Variants in RHOBTB1 observed in about 807,000 individuals in gnomAD.
RHOBTB1 encodes the protein rho-related BTB domain-containing protein 1.
A neutral mutation model predicts 71.6 loss-of-function variants in RHOBTB1; 40 were observed. The observed-to-expected ratio is 0.56, with a 90% CI of 0.43 to 0.73. The LOEUF (loss-of-function observed/expected upper bound fraction) is 0.73. Ranked by LOEUF, RHOBTB1 falls within the 30% of genes least tolerant of loss-of-function variation. RHOBTB1 has a pLI of 0.00. For synonymous variants in RHOBTB1, 319 were observed against 334.9 expected (o/e 0.95, Z 0.52); for missense variants, 797 against 894.0 (o/e 0.89, Z 1.38).
intron 2 of RHOBTB1, among the ~76,000 whole-genome samples, chr10:60,930,283 C>G (rs1371163256): frequency 6.6e-6 from 1 of 152,164 alleles, no homozygotes; most frequent in African/African-American, 2.4e-5. Context: ...TATCTGTGAA[C>G]TGGGGATAAT....
intron 2 of RHOBTB1, among the ~76,000 whole-genome samples, chr10:60,972,957 A>T (rs898868643): frequency 1.3e-5 from 2 of 152,082 alleles, no homozygotes; most frequent in African/African-American, 4.8e-5. Flanking sequence ...CGAAAGCAAG[A>T]ATGATTTTAG....
intron 1 of RHOBTB1, among the ~76,000 whole-genome samples, chr10:60,988,340 A>G (rs138930761): frequency 7.2e-5 from 11 of 152,316 alleles, no homozygotes; most frequent in African/African-American, 2.4e-4. Flanking sequence ...TTCAAGGGAT[A>G]CATGTGCAGG....
intron 4 of RHOBTB1, among the ~76,000 whole-genome samples, chr10:60,900,217 G>C (rs2082351107): frequency 6.6e-6 from 1 of 152,122 alleles, no homozygotes; most frequent in Non-Finnish European, 1.5e-5. Context: ...GAGAGGACTG[G>C]GAGGGTCAGC....
intron 2 of RHOBTB1, among the ~76,000 whole-genome samples, chr10:60,923,338 A>G (rs970019906): frequency 4.6e-5 from 7 of 152,268 alleles, no homozygotes; most frequent in Admixed American, 2.6e-4. Flanking sequence ...AAGATAATGT[A>G]CATTTATAAA....
upstream of RHOBTB1, among the ~76,000 whole-genome samples, chr10:60,947,873 T>C (rs1355038397): frequency 6.6e-6 from 1 of 152,236 alleles, no homozygotes; most frequent in African/African-American, 2.4e-5. Context: ...CTAGGTCATA[T>C]GCTAAATAAA....
intron 2 of RHOBTB1, among the ~76,000 whole-genome samples, chr10:60,941,171 A>T (rs1230611202): frequency 1.3e-5 from 2 of 152,220 alleles, no homozygotes; most frequent in Non-Finnish European, 2.9e-5. Flanking sequence ...CCTACTGGAA[A>T]ACAATTTTTC....
upstream of RHOBTB1, among the ~76,000 whole-genome samples, chr10:60,948,312 T>C (rs983170424): frequency 3.3e-5 from 5 of 152,238 alleles, no homozygotes; most frequent in African/African-American, 1.2e-4. Flanking sequence ...TGCCATCAAT[T>C]TTATCAAGAA....
chr10:60,928,153 T>C (rs1290108532), intron 2 of RHOBTB1, among the ~76,000 whole-genome samples: 1 of 152,134 alleles, frequency 6.6e-6, no homozygotes, highest in Non-Finnish European at 1.5e-5. Flanking sequence ...ATGGCTTTTA[T>C]GAAAAAGGCA....
rs775443874 is a variant in RHOBTB1 at position 60,888,565 on chromosome 10, G to C, written c.1103C>G (p.Thr368Arg). The C allele has an allele frequency of 6.2e-7, 1 of 1,614,180 alleles. No individual in the cohort carries two copies. The highest frequency in any genetic ancestry group is 8.5e-7 in the Non-Finnish European group (1 of 1,180,034). ...CTTACTCCATCCGGTCAAAGTCTGT[G>C]TCTCAGGAACTGCACCCTCGGCTTC... ...GLEAEGAVPE[T>R]QTLTGWSKGF... Residue 368 changes from threonine (T) to arginine (R), a missense_variant, in exon 6 of 11, where the codon ACA becomes AGA. Around this residue, in one of 2 missense-constraint regions of RHOBTB1, gnomAD observed 658 missense variants for 681.5 expected, o/e 0.97. Coordinates refer to ENST00000337910, the MANE Select transcript of RHOBTB1 (RefSeq NM_014836.5).
rs1307853299 is a variant in RHOBTB1 at position 60,892,864 on chromosome 10, T to A, written c.428A>T (p.Asp143Val). Reference protein sequence around the residue: ...TPVILVGCQLDLRYADLEAVN... With the variant: ...TPVILVGCQLVLRYADLEAVN... ...AGCTTCCAGGTCGGCATAGCGGAGA[T>A]CAAGCTGGCACCCAACAAGGATAAC... Residue 143 changes from aspartate to valine, a missense_variant, in exon 5 of 11, where the codon GAT (aspartate) becomes GTT (valine). Physicochemically the swap from Asp to Val is radical, Grantham distance 152. Coordinates refer to ENST00000337910, the MANE Select transcript of RHOBTB1 (RefSeq NM_014836.5). The A allele has an allele frequency of 6.2e-7, 1 of 1,613,902 alleles. No homozygotes were observed. Among genetic ancestry groups the A allele is most frequent in the Admixed American group, 1.7e-5 (1 of 59,976 alleles).
At chr10:60,988,216 G>T (rs1250648915) in intron 1 of RHOBTB1, among the ~76,000 whole-genome samples, 1 of 151,850 alleles carries the variant, frequency 6.6e-6, no homozygotes, top group African/African-American at 2.4e-5. Flanking sequence ...TTGCAGGCGT[G>T]AGCCATCACG....
At chr10:60,920,487 C>T (rs779592967) in intron 2 of RHOBTB1, among the ~76,000 whole-genome samples, 9 of 151,948 alleles carry the variant, frequency 5.9e-5, no homozygotes, top group Non-Finnish European at 8.8e-5. Context: ...GTGGGGAAGC[C>T]GGAAGGTTAG....
At chr10:60,916,918 T>C (rs189824559) in intron 2 of RHOBTB1, among the ~76,000 whole-genome samples, 61 of 152,306 alleles carry the variant, frequency 4.0e-4, no homozygotes, top group African/African-American at 1.4e-3. Flanking sequence ...GAGAGAAATA[T>C]GAAGTTGCTA....
At chr10:60,883,829 G>A (rs1231219815) in intron 7 of RHOBTB1, among the ~76,000 whole-genome samples, 1 of 152,132 alleles carries the variant, frequency 6.6e-6, no homozygotes, top group Admixed American at 6.6e-5. Flanking sequence ...TTCCAGATCA[G>A]GATACTAGAG....
At chr10:60,882,295 A>G (rs1006677379) in intron 7 of RHOBTB1, among the ~76,000 whole-genome samples, 7 of 152,076 alleles carry the variant, frequency 4.6e-5, no homozygotes, top group Non-Finnish European at 8.8e-5. Flanking sequence ...TTTAATTGTG[A>G]AGATTAGCTG....
At chr10:60,981,543 T>C (rs554304767) in intron 2 of RHOBTB1, among the ~76,000 whole-genome samples, 116 of 152,320 alleles carry the variant, frequency 7.6e-4, no homozygotes, top group Admixed American at 1.3e-3. Flanking sequence ...TTTAAAATGG[T>C]TTAGCATCAA....
chr10:60,993,795 G>T (rs1387586346), intron 1 of RHOBTB1, among the ~76,000 whole-genome samples: 2 of 151,282 alleles, frequency 1.3e-5, no homozygotes, highest in Non-Finnish European at 2.9e-5. Context: ...CCTCTGGAGG[G>T]TTGCAAAATT....
chr10:60,866,513 T>C (rs183228814), downstream of RHOBTB1, among the ~76,000 whole-genome samples: 2 of 152,272 alleles, frequency 1.3e-5, no homozygotes, highest in East Asian at 3.9e-4. Flanking sequence ...GGCCTTGCGT[T>C]GACTGAGGAT....
chr10:60,903,071 G>A (rs1381553381), intron 4 of RHOBTB1, among the ~76,000 whole-genome samples: 3 of 152,166 alleles, frequency 2.0e-5, no homozygotes, highest in South Asian at 2.1e-4. Flanking sequence ...GGGAACATAC[G>A]GAGAGACACC....
Sources: allele counts gnomAD v4.1 joint callset (sites outside exome capture counted in the v4.1 genomes callset), GRCh38; gene constraint gnomAD v4.1.1; regional missense constraint gnomAD v4.1.1; transcripts MANE v1.5; gene names NCBI Gene and HGNC (gene_info 2026-07-23, HGNC 2026-07-21).